TENM3: variants seen among roughly 807,000 people sequenced by gnomAD.
The protein encoded by TENM3 is teneurin transmembrane protein 3.
A neutral mutation model predicts 255.1 loss-of-function variants in TENM3; 63 were observed. That is an observed-to-expected ratio of 0.25 (90% CI 0.20 to 0.30). The LOEUF is 0.30. TENM3 is among the 10% of genes least tolerant of loss of function. The pLI is 1.00. For missense variants in TENM3, 2,929 were observed against 3,461.1 expected (o/e 0.85, Z 3.86); for synonymous variants, 1,306 against 1,322.3 (o/e 0.99, Z 0.27).
At chr4:182,250,059 T>TC (rs1213606801) in intron 1 of TENM3, among the ~76,000 whole-genome samples, 3 of 149,020 alleles carry the variant, frequency 2.0e-5, no homozygotes, top group African/African-American at 7.5e-5. Context: ...TTTTTCTTTT[T>TC]TTTTTTTTTT....
intron 3 of TENM3, among the ~76,000 whole-genome samples, chr4:182,482,240 A>G (rs1248221837): frequency 1.3e-5 from 2 of 152,188 alleles, no homozygotes; most frequent in Non-Finnish European, 2.9e-5. Flanking sequence ...TTTTACTATA[A>G]ATACGTTTGG....
the TENM3 span, among the ~76,000 whole-genome samples, chr4:181,465,335 T>G: frequency 1.1e-5 from 1 of 87,272 alleles, no homozygotes; most frequent in Non-Finnish European, 3.0e-5. Context: ...AAGATATATA[T>G]TTTTTTCTCT....
intron 3 of TENM3, among the ~76,000 whole-genome samples, chr4:182,595,170 T>C (rs774252324): frequency 6.6e-5 from 10 of 152,148 alleles, no homozygotes; most frequent in South Asian, 4.1e-4. Flanking sequence ...TTCATTGTCA[T>C]GTGTCTCAAT....
At chr4:182,480,913 A>G (rs1030815612) in intron 3 of TENM3, among the ~76,000 whole-genome samples, 4 of 152,166 alleles carry the variant, frequency 2.6e-5, no homozygotes, top group African/African-American at 9.6e-5. Context: ...ATTTTGAGAT[A>G]TACGGAGTCA....
chr4:182,435,618 T>C (rs1381366056), intron 3 of TENM3, among the ~76,000 whole-genome samples: 1 of 152,210 alleles, frequency 6.6e-6, no homozygotes, highest in African/African-American at 2.4e-5. Context: ...CCTGCCTTCC[T>C]TGGGCCAGAT....
chr4:181,832,135 T>A, the TENM3 span, among the ~76,000 whole-genome samples: 3 of 152,030 alleles, frequency 2.0e-5, no homozygotes, highest in African/African-American at 7.2e-5. Context: ...GTGCACAATG[T>A]GTTTCGTGTC....
At chr4:181,971,273 C>A in the TENM3 span, among the ~76,000 whole-genome samples, 1 of 148,618 alleles carries the variant, frequency 6.7e-6, no homozygotes, top group African/African-American at 2.4e-5. Flanking sequence ...GTTCTGTTTG[C>A]CCCTTCATAC....
At chr4:181,525,396 C>CAAAAAAAAAAAAAAAAAAAAAAA in the TENM3 span, among the ~76,000 whole-genome samples, 94 of 97,280 alleles carry the variant, frequency 9.7e-4, no homozygotes, top group East Asian at 4.5e-3. Context: ...GACCCTGTTT[C>CAAAAAAAAAAAAAAAAAAAAAAA]AAAAAAAAAA....
intron 1 of TENM3, among the ~76,000 whole-genome samples, chr4:182,199,292 C>T (rs1242854815): frequency 6.6e-6 from 1 of 152,014 alleles, no homozygotes; most frequent in Admixed American, 6.6e-5. Context: ...GGTGAAACCC[C>T]GTCTCTACTA....
rs1338915815 is a variant in TENM3 at position 182,292,708 on chromosome 4, AG to A, written c.-75-31234del. Among the ~76,000 whole-genome samples the A allele has an allele frequency of 7.6e-4, 115 of 152,174 alleles. 1 individual carries two copies. The highest frequency in any genetic ancestry group is 1.2e-4 in the Non-Finnish European group (8 of 68,018). The stretch of plus-strand genomic sequence containing the variant: ...GCTGGGCTTTGGGGAAATAGTACCC[AG>A]GGGATGCGCTCTCTGCCCTTAAAGA... On this transcript the variant is annotated intron_variant, in intron 1 of 27. Transcript: ENST00000511685.
At chr4:182,350,974 C>A (rs937962664) in intron 3 of TENM3, among the ~76,000 whole-genome samples, 3 of 152,180 alleles carry the variant, frequency 2.0e-5, no homozygotes, top group Admixed American at 1.3e-4. Context: ...TGAGCCACCG[C>A]GCCCGGCCAC....
At chr4:182,050,003 T>G in the TENM3 span, among the ~76,000 whole-genome samples, 16 of 151,020 alleles carry the variant, frequency 1.1e-4, no homozygotes, top group African/African-American at 3.6e-4. Flanking sequence ...AAAAAAAAAT[T>G]TTTTTTTGAG....
intron 1 of TENM3, among the ~76,000 whole-genome samples, chr4:182,167,607 T>C (rs1751805224): frequency 1.3e-5 from 2 of 152,186 alleles, no homozygotes; most frequent in African/African-American, 4.8e-5. Context: ...GTGTGGTGGC[T>C]CACACCTATA....
At chr4:182,025,020 A>ATTTTTTTTTTTTTTTTTTTTTTTTTTTT in the TENM3 span, among the ~76,000 whole-genome samples, 1 of 121,112 alleles carries the variant, frequency 8.3e-6, no homozygotes, top group African/African-American at 3.4e-5. Flanking sequence ...ACAGGATTTC[A>ATTTTTTTTTTTTTTTTTTTTTTTTTTTT]TTTTTTTTTT....
the TENM3 span, among the ~76,000 whole-genome samples, chr4:181,761,201 T>C: frequency 6.6e-6 from 1 of 152,238 alleles, no homozygotes; most frequent in Non-Finnish European, 1.5e-5. Flanking sequence ...GGGAAAAACC[T>C]CATCATTATC....
chr4:182,151,451 C>T (rs562191749), intron 1 of TENM3, among the ~76,000 whole-genome samples: 8 of 152,014 alleles, frequency 5.3e-5, no homozygotes, highest in Non-Finnish European at 1.0e-4. Context: ...TTTGTCAACA[C>T]GTAGGTAGAA....
the TENM3 span, among the ~76,000 whole-genome samples, chr4:181,554,806 T>C: frequency 2.0e-3 from 304 of 152,328 alleles, 3 homozygotes; most frequent in Admixed American, 0.017. Context: ...CGGAAGCAAG[T>C]TGGCTTTAAA....
the TENM3 span, among the ~76,000 whole-genome samples, chr4:181,663,353 C>A: frequency 1.3e-5 from 2 of 152,114 alleles, no homozygotes; most frequent in Non-Finnish European, 2.9e-5. Context: ...AACACGGGAG[C>A]AACAACTTGA....
intron 3 of TENM3, among the ~76,000 whole-genome samples, chr4:182,489,515 G>A (rs1312589576): frequency 6.6e-6 from 1 of 151,910 alleles, no homozygotes; most frequent in African/African-American, 2.4e-5. Context: ...TCACATAGTG[G>A]GCATGTGTAA....
Sources: allele counts gnomAD v4.1 joint callset (sites outside exome capture counted in the v4.1 genomes callset), GRCh38; gene constraint gnomAD v4.1.1; transcripts MANE v1.5; gene names NCBI Gene and HGNC (gene_info 2026-07-23, HGNC 2026-07-21).